MDGA2: variants seen among roughly 807,000 people sequenced by gnomAD.
The protein encoded by MDGA2 is MAM domain containing glycosylphosphatidylinositol anchor 2.
MDGA2 carries 40 observed loss-of-function variants against 117.8 expected under a neutral mutation model. That is an observed-to-expected ratio of 0.34 (90% confidence interval 0.26 to 0.44). MDGA2 has a LOEUF of 0.44. MDGA2 is among the 20% of genes least tolerant of loss of function. MDGA2 has a pLI of 1.00. For missense variants in MDGA2, 1,123 were observed against 1,250.6 expected, an observed-to-expected ratio of 0.90 and a Z score of 1.54; for synonymous variants, 452 against 439.0, an observed-to-expected ratio of 1.03 and a Z score of -0.37.
intron 1 of MDGA2, chr14:47,342,890 A>G (rs1890672148): frequency 2.4e-6 from 1 of 410,744 alleles, no homozygotes; most frequent in African/African-American, 2.1e-5. Flanking sequence ...GTGGGGGAAA[A>G]AAGAGGAAAG....
chr14:47,369,817 T>C (rs1009913167), intron 1 of MDGA2, among the ~76,000 whole-genome samples: 2 of 152,122 alleles, frequency 1.3e-5, no homozygotes, highest in Non-Finnish European at 2.9e-5. Flanking sequence ...GCTAATTTTA[T>C]ATTAAGAATA....
intron 1 of MDGA2, among the ~76,000 whole-genome samples, chr14:47,614,644 T>G (rs1170523884): frequency 1.3e-5 from 2 of 152,228 alleles, no homozygotes; most frequent in Non-Finnish European, 2.9e-5. Flanking sequence ...TTTCCTGATT[T>G]AAAACCCTCC....
chr14:47,621,834 A>G (rs949086378), intron 1 of MDGA2, among the ~76,000 whole-genome samples: 1 of 152,218 alleles, frequency 6.6e-6, no homozygotes, highest in Non-Finnish European at 1.5e-5. Context: ...CACAGCCAAC[A>G]TACGTTGTAA....
intron 10 of MDGA2, among the ~76,000 whole-genome samples, chr14:46,908,521 A>G (rs1183504332): frequency 6.6e-6 from 1 of 152,180 alleles, no homozygotes; most frequent in East Asian, 1.9e-4. Context: ...CCTCCACGAC[A>G]ATGCCTCCTG....
At position 47,418,060 on chromosome 14, in the gene MDGA2, G is replaced by A. The variant is rs532363000; in HGVS notation, c.281-116510C>T. 6.6e-5 allele frequency among the ~76,000 whole-genome samples: 10 copies of A among 151,902 alleles called. No homozygotes were observed. In the South Asian group the frequency reaches 2.1e-3, roughly 32 times the overall value. The stretch of plus-strand genomic sequence containing the variant: ...TTTGTTTGGGCTGCTATAAAAATTA[G>A]GGTACTTTTTAATTTTTTAATTTTT... On this transcript the variant is annotated intron_variant, in intron 1 of 16. Transcript: ENST00000399232.
intron 2 of MDGA2, among the ~76,000 whole-genome samples, chr14:47,238,706 A>G (rs1190696928): frequency 6.6e-6 from 1 of 151,750 alleles, no homozygotes; most frequent in Non-Finnish European, 1.5e-5. Context: ...AAGACTTTAA[A>G]GCTTAGCAGT....
Position 46,939,536 on chromosome 14 carries a change from G to C in MDGA2, c.2089+17838C>G, listed in dbSNP as rs76201122. ...AATACTAAAAATAGCAGTTTCTAAAGCATTATTTGGAAGCTTAATCTTTGA... is the reference window on the plus strand; with the variant it reads ...AATACTAAAAATAGCAGTTTCTAAACCATTATTTGGAAGCTTAATCTTTGA... On this transcript the variant is annotated intron_variant, in intron 9 of 16. Coordinates refer to ENST00000399232, the MANE Select transcript of MDGA2 (RefSeq NM_001113498.3). Among the ~76,000 whole-genome samples the C allele has an allele frequency of 2.6e-5, 4 of 152,172 alleles. No individual in the cohort carries two copies. The East Asian group carries it at 7.7e-4, about 29-fold the overall frequency.
chr14:47,648,213 C>T (rs1007368827), intron 1 of MDGA2, among the ~76,000 whole-genome samples: 21 of 152,106 alleles, frequency 1.4e-4, no homozygotes, highest in Non-Finnish European at 1.9e-4. Flanking sequence ...TTAATCTAGG[C>T]TTTCACATTT....
intron 3 of MDGA2, among the ~76,000 whole-genome samples, chr14:47,173,207 C>T (rs919817200): frequency 2.0e-5 from 3 of 152,078 alleles, no homozygotes; most frequent in Non-Finnish European, 4.4e-5. Flanking sequence ...AGAATGGAAC[C>T]AAGTTGGAAA....
chr14:47,315,287 A>G (rs1889771406), intron 1 of MDGA2, among the ~76,000 whole-genome samples: 1 of 152,074 alleles, frequency 6.6e-6, no homozygotes, highest in South Asian at 2.1e-4. Context: ...GACATTTTTT[A>G]TTGACTTAGA....
At chr14:47,053,430 C>G (rs1156672211) in intron 7 of MDGA2, among the ~76,000 whole-genome samples, 1 of 151,538 alleles carries the variant, frequency 6.6e-6, no homozygotes. Context: ...TTTGTTCTCT[C>G]AAACCTTCTC....
At chr14:47,644,375 T>C (rs547028797) in intron 1 of MDGA2, among the ~76,000 whole-genome samples, 2 of 152,274 alleles carry the variant, frequency 1.3e-5, no homozygotes, top group South Asian at 4.1e-4. Flanking sequence ...CAAAATGGAA[T>C]CTTAATCATA....
intron 9 of MDGA2, among the ~76,000 whole-genome samples, chr14:46,934,273 C>T (rs1218507003): frequency 1.3e-5 from 2 of 152,072 alleles, no homozygotes; most frequent in Admixed American, 6.6e-5. Flanking sequence ...TGGTCCTGCA[C>T]TGCTGTTTAT....
chr14:47,324,404 C>T (rs536835298), intron 1 of MDGA2, among the ~76,000 whole-genome samples: 13 of 152,264 alleles, frequency 8.5e-5, no homozygotes, highest in Admixed American at 2.6e-4. Context: ...AAAAAATGCA[C>T]ATTTGATTAA....
intron 7 of MDGA2, among the ~76,000 whole-genome samples, chr14:47,060,596 T>C (rs1889847589): frequency 6.6e-6 from 1 of 152,076 alleles, no homozygotes; most frequent in African/African-American, 2.4e-5. Context: ...ACCAAATCCC[T>C]GTAATTTTCC....
At chr14:47,613,973 G>T (rs919416209) in intron 1 of MDGA2, among the ~76,000 whole-genome samples, 1 of 151,978 alleles carries the variant, frequency 6.6e-6, no homozygotes, top group Non-Finnish European at 1.5e-5. Flanking sequence ...TGCCATTCTA[G>T]AAGAAATTTA....
At chr14:47,261,623 AC>A (rs748130809) in intron 2 of MDGA2, among the ~76,000 whole-genome samples, 2 of 152,262 alleles carry the variant, frequency 1.3e-5, no homozygotes, top group African/African-American at 2.4e-5. Context: ...CAGCAAAAAT[AC>A]CTTTAGGAAG....
chr14:46,847,792 G>T (rs924996346), intron 15 of MDGA2, among the ~76,000 whole-genome samples: 1 of 151,948 alleles, frequency 6.6e-6, no homozygotes, highest in African/African-American at 2.4e-5. Flanking sequence ...AGGTGACTAC[G>T]TTTCAAATAA....
chr14:47,447,077 G>A (rs190099053), intron 1 of MDGA2, among the ~76,000 whole-genome samples: 2 of 152,178 alleles, frequency 1.3e-5, no homozygotes, highest in East Asian at 3.9e-4. Flanking sequence ...TCCTTAACCT[G>A]TGGATGAAAT....
Sources: gnomAD v4.1 joint callset for allele counts (sites outside exome capture counted in the v4.1 genomes callset) on GRCh38, gnomAD v4.1.1 for gene constraint, MANE v1.5 for transcripts, NCBI Gene and HGNC (gene_info 2026-07-23, HGNC 2026-07-21) for gene names.